The following KLHL32 variants were observed in gnomAD, a reference collection of about 807,000 sequenced individuals.
KLHL32 encodes kelch-like protein 32.
Under a neutral mutation model 64.8 loss-of-function variants are expected in KLHL32, and 35 were observed. The observed-to-expected ratio is 0.54, with a 90% confidence interval of 0.41 to 0.72. The LOEUF (loss-of-function observed/expected upper bound fraction) is 0.72, where lower values mean the gene tolerates loss of function less well. KLHL32 is among the 30% of genes least tolerant of loss of function. The probability of loss-of-function intolerance (pLI) is 0.00; values close to 1 mark genes in which losing one functional copy is unlikely to be tolerated. For synonymous variants in KLHL32, 259 were observed against 281.0 expected (o/e 0.92, Z 0.78); for missense variants, 589 against 768.5 (o/e 0.77, Z 2.76).
chr6:96,979,429 T>A (rs577683929), intron 3 of KLHL32, among the ~76,000 whole-genome samples: 1 of 152,316 alleles, frequency 6.6e-6, no homozygotes, highest in South Asian at 2.1e-4. Flanking sequence ...ATTGACTTTG[T>A]CAAAGATCAG....
intron 3 of KLHL32, among the ~76,000 whole-genome samples, chr6:97,035,821 T>C (rs762048957): frequency 7.2e-5 from 11 of 152,046 alleles, no homozygotes; most frequent in Non-Finnish European, 1.6e-4. Context: ...TCTCTTTGTA[T>C]TCAACTTATT....
chr6:96,994,506 A>C (rs1778215681), intron 3 of KLHL32: 3 of 985,160 alleles, frequency 3.0e-6, no homozygotes, highest in Non-Finnish European at 3.6e-6. Context: ...GATATTTGGC[A>C]GTTTATTTTG....
intron 6 of KLHL32, among the ~76,000 whole-genome samples, chr6:97,109,151 T>G (rs1796795539): frequency 6.6e-6 from 1 of 152,214 alleles, no homozygotes; most frequent in Non-Finnish European, 1.5e-5. Context: ...AGCCTACATT[T>G]TGACCAGAAA....
intron 3 of KLHL32, among the ~76,000 whole-genome samples, chr6:96,991,405 G>A (rs1370729006): frequency 6.6e-6 from 1 of 152,056 alleles, no homozygotes; most frequent in Non-Finnish European, 1.5e-5. Flanking sequence ...AGGGATGTCA[G>A]CATAGCAACC....
rs546108811 is a variant in KLHL32 at position 97,003,446 on chromosome 6, C to T, written c.204+27269C>T. On this transcript the variant is annotated intron_variant, in intron 3 of 10. Transcript: ENST00000369261. ...AAATTTTCTCCCATTCTCTATAGTGCCTGTTTACTCTGTTGATAGTTTCTT... is the reference window on the plus strand; with the variant it reads ...AAATTTTCTCCCATTCTCTATAGTGTCTGTTTACTCTGTTGATAGTTTCTT... 3.4e-3 allele frequency among the ~76,000 whole-genome samples: 510 copies of T among 152,128 alleles called. 1 individual carries two copies. The highest frequency in any genetic ancestry group is 0.01 in the Middle Eastern group (3 of 294).
chr6:96,989,245 A>G (rs1326384041), intron 3 of KLHL32, among the ~76,000 whole-genome samples: 1 of 152,148 alleles, frequency 6.6e-6, no homozygotes, highest in Admixed American at 6.5e-5. Context: ...ATGATGTTTC[A>G]TTTCCATATT....
chr6:97,131,047 C>A, intron 9 of KLHL32, 98 bp downstream of exon 9: 1 of 1,009,662 alleles, frequency 9.9e-7, no homozygotes. Context: ...ATATTAAGTG[C>A]ATAGTTGTAG....
intron 6 of KLHL32, among the ~76,000 whole-genome samples, chr6:97,111,037 G>T (rs370039412): frequency 7.2e-5 from 11 of 151,996 alleles, no homozygotes; most frequent in South Asian, 2.1e-4. Flanking sequence ...TCTTGGGGGG[G>T]GGGGGTCTTA....
chr6:96,936,889 G>A (rs72924759), intron 1 of KLHL32, among the ~76,000 whole-genome samples: 1 of 151,844 alleles, frequency 6.6e-6, no homozygotes, highest in South Asian at 2.1e-4. Context: ...CTGCCTACCC[G>A]CAGGCCCACT....
chr6:96,960,108 A>G, intron 1 of KLHL32, among the ~76,000 whole-genome samples: 1 of 152,170 alleles, frequency 6.6e-6, no homozygotes, highest in Admixed American at 6.5e-5. Context: ...GGTAGTAAAT[A>G]AGCTAGGGAG....
intron 5 of KLHL32, among the ~76,000 whole-genome samples, chr6:97,080,399 T>TAAGAA (rs1377704006): frequency 1.2e-4 from 19 of 152,206 alleles, no homozygotes; most frequent in Non-Finnish European, 2.5e-4. Flanking sequence ...CTCATGGGTA[T>TAAGAA]TCTTTCATTA....
chr6:97,108,659 C>T (rs565290515), intron 6 of KLHL32, among the ~76,000 whole-genome samples: 6 of 152,190 alleles, frequency 3.9e-5, no homozygotes, highest in African/African-American at 1.2e-4. Flanking sequence ...TTCTTATGAA[C>T]GTAAAAACAG....
chr6:97,119,260 A>C (rs1239959265), intron 7 of KLHL32, among the ~76,000 whole-genome samples: 1 of 151,662 alleles, frequency 6.6e-6, no homozygotes, highest in African/African-American at 2.4e-5. Flanking sequence ...CCCTACTGCT[A>C]CTCTCTCACC....
At chr6:97,079,523 TA>T (rs1792148380) in intron 5 of KLHL32, among the ~76,000 whole-genome samples, 2 of 152,200 alleles carry the variant, frequency 1.3e-5, no homozygotes, top group Admixed American at 1.3e-4. Flanking sequence ...ATCTGGGGAA[TA>T]ACCATTGAAG....
chr6:97,043,142 C>A (rs1785382184), intron 4 of KLHL32, among the ~76,000 whole-genome samples: 2 of 152,180 alleles, frequency 1.3e-5, no homozygotes, highest in Admixed American at 1.3e-4. Context: ...CCTGCAGAAC[C>A]ATAAGCCAAA....
Position 96,992,346 on chromosome 6 carries a change from G to A in KLHL32, c.204+16169G>A, listed in dbSNP as rs537611277. On this transcript the variant is annotated intron_variant, in intron 3 of 10. Coordinates refer to ENST00000369261, the MANE Select transcript of KLHL32 (RefSeq NM_052904.4). ...CTCCCCTGGCTCTTCGCCTCTCCCC[G>A]GTGGGCAGTTGTCCTGTCTCACTCT... is the stretch of plus-strand genomic sequence containing the variant. Among the ~76,000 whole-genome samples the A allele has an allele frequency of 4.6e-5, 7 of 152,298 alleles. No individual in the cohort carries two copies. In the East Asian group the frequency reaches 1.2e-3, roughly 25 times the overall value.
At chr6:96,921,248 T>C (rs1296331521), upstream of KLHL32, among the ~76,000 whole-genome samples, 1 of 152,240 alleles carries the variant, frequency 6.6e-6, no homozygotes, top group African/African-American at 2.4e-5. Flanking sequence ...GCTCCCATCA[T>C]GTGACTAGTT....
chr6:96,968,171 C>T (rs1168468642), intron 2 of KLHL32, among the ~76,000 whole-genome samples: 1 of 152,074 alleles, frequency 6.6e-6, no homozygotes, highest in Non-Finnish European at 1.5e-5. Context: ...CTCTGCACTC[C>T]CTATGTGAGT....
chr6:96,961,649 T>C (rs1399357198), intron 1 of KLHL32, among the ~76,000 whole-genome samples: 1 of 152,148 alleles, frequency 6.6e-6, no homozygotes, highest in Non-Finnish European at 1.5e-5. Flanking sequence ...CTTGGAGGTA[T>C]GTATGTGATA....
Sources: allele counts gnomAD v4.1 joint callset (sites outside exome capture counted in the v4.1 genomes callset), GRCh38; gene constraint gnomAD v4.1.1; transcripts MANE v1.5; gene names NCBI Gene and HGNC (gene_info 2026-07-23, HGNC 2026-07-21).